The following TLN2 variants were observed in gnomAD, a reference collection of about 807,000 sequenced individuals.
The protein encoded by TLN2 is talin 2, also known as talin-2.
TLN2 carries 118 observed loss-of-function variants against 294.7 expected under a neutral mutation model. The observed-to-expected ratio is 0.40, with a 90% CI of 0.34 to 0.47. The LOEUF (loss-of-function observed/expected upper bound fraction) is 0.47. Among genes scored for constraint, TLN2 ranks in the 20% least tolerant of loss-of-function variants. The probability of loss-of-function intolerance (pLI) is 0.84; values close to 1 mark genes in which losing one functional copy is unlikely to be tolerated. For missense variants in TLN2, 3,083 were observed against 3,282.2 expected, an observed-to-expected ratio of 0.94 and a Z score of 1.48; for synonymous variants, 1,431 against 1,304.5, an observed-to-expected ratio of 1.10 and a Z score of -2.09.
intron 32 of TLN2, among the ~76,000 whole-genome samples, chr15:62,742,859 G>A (rs907668725): frequency 2.6e-5 from 4 of 152,178 alleles, no homozygotes. Context: ...ACTCCAGCCA[G>A]GTCAAGAGGG....
At chr15:62,789,380 A>G (rs899512349) in intron 45 of TLN2, among the ~76,000 whole-genome samples, 2 of 152,046 alleles carry the variant, frequency 1.3e-5, no homozygotes, top group Non-Finnish European at 2.9e-5. Context: ...GGAGCTTCTT[A>G]ACTGGAATTT....
In TLN2 at chr15:62,740,628, A is replaced by G. The variant is rs1287298656; in HGVS notation, c.3886-2A>G. ...TAGCTCCGGCTCCTTTTGACCTTCCAGACAAAAGAAGACCAGATCCAAGTG... is the reference window on the plus strand; with the variant it reads ...TAGCTCCGGCTCCTTTTGACCTTCCGGACAAAAGAAGACCAGATCCAAGTG... On this transcript the variant is annotated splice_acceptor_variant, in intron 31 of 58. Transcript: ENST00000636159. LOFTEE classifies it high-confidence loss of function. The G allele has an allele frequency of 5.0e-6, 8 of 1,614,176 alleles. No individual in the cohort carries two copies. Among genetic ancestry groups the G allele is most frequent in the South Asian group, 2.2e-5 (2 of 91,062 alleles).
At chr15:62,740,078 C>G (rs1408591626) in intron 31 of TLN2, among the ~76,000 whole-genome samples, 1 of 150,742 alleles carries the variant, frequency 6.6e-6, no homozygotes, top group Non-Finnish European at 1.5e-5. Context: ...CTCCTTTGAC[C>G]TCCCTAAAAG....
At chr15:62,692,990 G>A (rs2058045388) in intron 13 of TLN2, 49 bp downstream of exon 13, 1 of 1,530,280 alleles carries the variant, frequency 6.5e-7, no homozygotes, top group African/African-American at 1.4e-5. Context: ...TTTATTAAAA[G>A]GCTTGGTTTC....
rs540970908 is a variant in TLN2 at position 62,611,537 on chromosome 15, T to C, written c.-161-6814T>C. 2.6e-5 allele frequency among the ~76,000 whole-genome samples: 4 copies of C among 152,320 alleles called. No individual in the cohort carries two copies. The East Asian group carries it at 5.8e-4, about 22-fold the overall frequency. Reference sequence around the variant, plus strand: ...GTGAACATTTGGGGACTTGACCACATCCCACCAAGTGGTTGCCCAGCCTCT... The same window carrying C: ...GTGAACATTTGGGGACTTGACCACACCCCACCAAGTGGTTGCCCAGCCTCT... On this transcript the variant is annotated intron_variant, in intron 2 of 58. Transcript: ENST00000636159.
Position 62,625,353 on chromosome 15 carries a change from A to C in TLN2, c.-37+6878A>C, listed in dbSNP as rs182552058. ...TGTGGCCTGTTGTGGAGTCCCCTCC[A>C]CTAGGGTATGGTTGGGCTCTGCTGG... On this transcript the variant is annotated intron_variant, in intron 3 of 58. Transcript: ENST00000636159. Among the ~76,000 whole-genome samples, 4 of 152,242 alleles carry C rather than the reference A, an allele frequency of 2.6e-5. No homozygotes were observed. In the East Asian group the frequency reaches 7.7e-4, roughly 29 times the overall value.
chr15:62,657,709 C>T (rs1174703730), intron 8 of TLN2, 62 bp from the exon 9 acceptor site: 1 of 1,574,174 alleles, frequency 6.4e-7, no homozygotes, highest in African/African-American at 1.4e-5. Context: ...GGGAATGCGT[C>T]AGTGGAGAGA....
intron 1 of TLN2, among the ~76,000 whole-genome samples, chr15:62,404,706 A>AG (rs56083775): frequency 0.23 from 34,851 of 152,014 alleles, 5,283 homozygotes; most frequent in East Asian, 0.62. Flanking sequence ...GGATCTTCCA[A>AG]GGGGGGCGTG....
At chr15:62,645,552 A>T (rs562552617) in intron 3 of TLN2, among the ~76,000 whole-genome samples, 2 of 152,320 alleles carry the variant, frequency 1.3e-5, no homozygotes, top group Non-Finnish European at 2.9e-5. Flanking sequence ...CATCTCCTGT[A>T]TCCATGTGAC....
intron 1 of TLN2, among the ~76,000 whole-genome samples, chr15:62,544,845 T>TTTTTTTTTAG (rs1029351058): frequency 6.6e-6 from 1 of 151,330 alleles, no homozygotes; most frequent in African/African-American, 2.4e-5. Context: ...TTATTCTTAG[T>TTTTTTTTTAG]TTTTTTTTCC....
chr15:62,656,868 C>T (rs2053269347), intron 8 of TLN2, among the ~76,000 whole-genome samples: 1 of 152,208 alleles, frequency 6.6e-6, no homozygotes, highest in Non-Finnish European at 1.5e-5. Context: ...TCTTCTGTGG[C>T]TGTTCTCGCA....
rs764248336 is a variant in TLN2, at chr15:62,582,246, A to ACACACACCCCCC, written c.-237-7439_-237-7438insCACACCCCCCCA. Among the ~76,000 whole-genome samples, 113 of 137,304 alleles carry ACACACACCCCCC rather than the reference A, an allele frequency of 8.2e-4. 1 individual carries two copies. The highest frequency in any genetic ancestry group is 2.7e-3 in the African/African-American group (99 of 36,794). 90.1% of individuals were successfully genotyped at this position (137,304 alleles called of 152,430 possible). A position where few individuals can be genotyped will look rare whatever the true frequency, so the allele number is the denominator to read the frequency against. On this transcript the variant is annotated intron_variant, in intron 1 of 58. Coordinates refer to ENST00000636159, the MANE Select transcript of TLN2 (RefSeq NM_015059.3). ...CACACACACACACACACACACACAC[A>ACACACACCCCCC]CATTCATGCCTGACCCATTCCTGAC...
At chr15:62,578,608 T>G (rs545984357) in intron 1 of TLN2, among the ~76,000 whole-genome samples, 8 of 152,224 alleles carry the variant, frequency 5.3e-5, no homozygotes, top group African/African-American at 1.9e-4. Context: ...ATATTCCACT[T>G]CATGAAAATG....
intron 41 of TLN2, among the ~76,000 whole-genome samples, chr15:62,767,428 G>A (rs1295666505): frequency 2.0e-5 from 3 of 151,148 alleles, no homozygotes; most frequent in East Asian, 1.9e-4. Flanking sequence ...CACAACCTCC[G>A]CCTCCCGGGT....
rs757302612 is a variant in TLN2, at chr15:62,702,812, G to A, written c.1952G>A (p.Ser651Asn). 1.2e-6 allele frequency: 2 copies of A among 1,614,232 alleles called. No individual in the cohort carries two copies. Among genetic ancestry groups the A allele is most frequent in the Non-Finnish European group, 8.5e-7 (1 of 1,180,038 alleles). Residue 651 changes from serine to asparagine, a missense_variant, in exon 19 of 59, where the codon AGT becomes AAT. Physicochemically the swap from Ser to Asn is conservative, Grantham distance 46 (BLOSUM62 1). Coordinates refer to ENST00000636159, the MANE Select transcript of TLN2 (RefSeq NM_015059.3). ...LTAAGSIGQA[S>N]GDLLRQIGEN... ...GCTGCTGGCAGCATCGGACAAGCCA[G>A]TGGGGATCTTCTGAGACAGATTGGA...
At chr15:62,687,712 A>G (rs1026341966) in intron 12 of TLN2, 1 of 152,052 alleles carries the variant, frequency 6.6e-6, no homozygotes, top group African/African-American at 2.4e-5. Context: ...AGGACATCAG[A>G]AAAAAAACTG....
At chr15:62,574,234 T>C (rs1345216932) in intron 1 of TLN2, among the ~76,000 whole-genome samples, 1 of 152,050 alleles carries the variant, frequency 6.6e-6, no homozygotes, top group East Asian at 1.9e-4. Flanking sequence ...TGGGCTCTTA[T>C]TCATCTAGAA....
intron 34 of TLN2, among the ~76,000 whole-genome samples, chr15:62,751,564 A>G (rs906464981): frequency 1.3e-5 from 2 of 152,224 alleles, no homozygotes; most frequent in Non-Finnish European, 2.9e-5. Context: ...CTTGGGTTCT[A>G]GACCTGGCAA....
At chr15:62,596,418 A>G (rs1163054490) in intron 2 of TLN2, among the ~76,000 whole-genome samples, 7 of 152,128 alleles carry the variant, frequency 4.6e-5, no homozygotes. Flanking sequence ...CATGTTCTAT[A>G]ACTTTTATTT....
Sources: gnomAD v4.1 joint callset for allele counts (sites outside exome capture counted in the v4.1 genomes callset) on GRCh38, gnomAD v4.1.1 for gene constraint, MANE v1.5 for transcripts, NCBI Gene and HGNC (gene_info 2026-07-23, HGNC 2026-07-21) for gene names.